ABCD2: variants seen among roughly 807,000 people sequenced by gnomAD.
The protein encoded by ABCD2 is ATP binding cassette subfamily D member 2, also known as ATP-binding cassette sub-family D member 2.
Under a neutral mutation model 70.9 loss-of-function variants are expected in ABCD2, and 36 were observed. The ratio of observed to expected loss-of-function variants is 0.51; its 90% confidence interval spans 0.39 to 0.67. The LOEUF is 0.67. ABCD2 is among the 30% of genes least tolerant of loss of function. The pLI is 0.00. For missense variants in ABCD2, 729 were observed against 890.2 expected (o/e 0.82, Z 2.30); for synonymous variants, 304 against 306.9 (o/e 0.99, Z 0.10).
Position 39,618,991 on chromosome 12 carries a change from A to G in ABCD2, c.625T>C (p.Ser209Pro). 1 of 1,614,184 alleles carries G rather than the reference A, an allele frequency of 6.2e-7. No individual in the cohort carries two copies. Among genetic ancestry groups the G allele is most frequent in the Non-Finnish European group, 8.5e-7 (1 of 1,180,028 alleles). The change falls in exon 1 of 10, where the codon TCT becomes CCT. Residue 209 changes from serine (S) to proline (P), a missense_variant. Transcript: ENST00000308666. ...MDGRLANPDQSLTEDIMMFSQ... is the reference protein window; with the variant it reads ...MDGRLANPDQPLTEDIMMFSQ... Reference sequence around the variant, plus strand: ...AACATCATAATATCCTCCGTAAGAGATTGGTCAGGGTTTGCCAGCCTCCCA... The same window carrying G: ...AACATCATAATATCCTCCGTAAGAGGTTGGTCAGGGTTTGCCAGCCTCCCA...
At chr12:39,567,409 CT>C (rs1465952613) in intron 9 of ABCD2, among the ~76,000 whole-genome samples, 1 of 152,056 alleles carries the variant, frequency 6.6e-6, no homozygotes, top group Non-Finnish European at 1.5e-5. Context: ...CTCTTTTGAT[CT>C]TTGTTGGTTT....
intron 9 of ABCD2, among the ~76,000 whole-genome samples, chr12:39,565,783 A>G (rs1941336227): frequency 6.6e-6 from 1 of 152,138 alleles, no homozygotes; most frequent in Non-Finnish European, 1.5e-5. Context: ...GATAGCTCTA[A>G]TTATTTTGAT....
At chr12:39,568,384 C>A (rs1460290222) in intron 9 of ABCD2, among the ~76,000 whole-genome samples, 3 of 152,126 alleles carry the variant, frequency 2.0e-5, no homozygotes, top group African/African-American at 7.2e-5. Context: ...TTTGATCTTC[C>A]ATCACTGATA....
intron 6 of ABCD2, among the ~76,000 whole-genome samples, chr12:39,591,831 T>C (rs1459849956): frequency 1.3e-5 from 2 of 152,198 alleles, no homozygotes; most frequent in African/African-American, 2.4e-5. Flanking sequence ...CAGATTACCA[T>C]TTAAATTGCT....
chr12:39,582,931 C>G (rs1267550167), intron 7 of ABCD2, among the ~76,000 whole-genome samples: 1 of 151,542 alleles, frequency 6.6e-6, no homozygotes, highest in Admixed American at 6.6e-5. Flanking sequence ...GCAATCACAG[C>G]TCACTCCAAC....
intron 6 of ABCD2, among the ~76,000 whole-genome samples, chr12:39,588,385 G>T (rs1489431286): frequency 6.6e-6 from 1 of 152,080 alleles, no homozygotes; most frequent in Non-Finnish European, 1.5e-5. Context: ...GGATTAACCA[G>T]ATGAGTCCTA....
chr12:39,539,469 T>C, the ABCD2 span: 1 of 153,194 alleles, frequency 6.5e-6, no homozygotes, highest in Non-Finnish European at 1.5e-5. Context: ...TTAGCTATAG[T>C]TTTCTGCTCA....
At chr12:39,590,669 A>G (rs1191007316) in intron 6 of ABCD2, among the ~76,000 whole-genome samples, 1 of 152,010 alleles carries the variant, frequency 6.6e-6, no homozygotes, top group Non-Finnish European at 1.5e-5. Context: ...GGCTTTTTAT[A>G]GTTTTGTTAC....
At chr12:39,558,936 C>T (rs76965926) in intron 9 of ABCD2, among the ~76,000 whole-genome samples, 13,108 of 151,660 alleles carry the variant, frequency 0.086, 1,177 homozygotes, top group African/African-American at 0.23. Context: ...ATTAAAAATG[C>T]AATGGAGACA....
At chr12:39,616,933 C>T in intron 2 of ABCD2, 55 bp downstream of exon 2, 1 of 1,479,558 alleles carries the variant, frequency 6.8e-7, no homozygotes, top group Non-Finnish European at 9.1e-7. Flanking sequence ...GCAATGACAA[C>T]TTCAAAAGAA....
chr12:39,562,130 T>C (rs1941268908), intron 9 of ABCD2, among the ~76,000 whole-genome samples: 2 of 152,062 alleles, frequency 1.3e-5, no homozygotes, highest in Non-Finnish European at 2.9e-5. Context: ...ATTTTAAAAA[T>C]TTTCTTCTGA....
intron 2 of ABCD2, among the ~76,000 whole-genome samples, chr12:39,610,821 G>A (rs989301990): frequency 8.6e-5 from 13 of 152,022 alleles, no homozygotes; most frequent in Non-Finnish European, 1.9e-4. Context: ...TTGTTCTTTG[G>A]CAGGTACTGT....
rs766356712 is a variant in ABCD2 at position 39,603,925 on chromosome 12, C to T, written c.1487G>A (p.Arg496Lys). ...ATATCATCTTACTTTGAAGTTTAGC[C>T]TGGAAGCCACCACTTCTCCTGCTGG... is the stretch of plus-strand genomic sequence containing the variant. ...ITPAGEVVAS[R>K]LNFKVEEGMH... The change falls in exon 5 of 10, where the codon AGG (arginine) becomes AAG (lysine). Residue 496 changes from arginine (R) to lysine (K), a missense_variant. Coordinates refer to ENST00000308666, the MANE Select transcript of ABCD2 (RefSeq NM_005164.4). 73 of 1,611,184 alleles carry T rather than the reference C, an allele frequency of 4.5e-5. No homozygotes were observed. Among genetic ancestry groups the T allele is most frequent in the Non-Finnish European group, 5.7e-5 (67 of 1,178,110 alleles).
At chr12:39,598,698 C>A (rs1057489122) in intron 6 of ABCD2, among the ~76,000 whole-genome samples, 1 of 152,126 alleles carries the variant, frequency 6.6e-6, no homozygotes, top group African/African-American at 2.4e-5. Context: ...CCCCACCCAG[C>A]CAGATTATAT....
intron 6 of ABCD2, among the ~76,000 whole-genome samples, chr12:39,586,921 A>G: frequency 6.6e-6 from 1 of 152,210 alleles, no homozygotes; most frequent in East Asian, 1.9e-4. Context: ...CAAAAATTCA[A>G]CAACTTGGTA....
chr12:39,553,736 ATT>A lies in ABCD2; in HGVS notation c.*174_*175del, dbSNP rs1426645684. 1 of 587,792 alleles carries A rather than the reference ATT, an allele frequency of 1.7e-6. No individual in the cohort carries two copies. The highest frequency in any genetic ancestry group is 3.0e-6 in the Non-Finnish European group (1 of 334,642). The allele number at this position is 587,792 out of a possible 1,614,324, so 36.4% of individuals were successfully genotyped here. A position where few individuals can be genotyped will look rare whatever the true frequency, so the allele number is the denominator to read the frequency against. On this transcript the variant is annotated 3_prime_UTR_variant, in exon 10 of 10. Coordinates refer to ENST00000308666, the MANE Select transcript of ABCD2 (RefSeq NM_005164.4). ...CATAATGACTGACCTTACATAATGC[ATT>A]TGTTTATTTTCTTCTGAAAAGTCAG...
intron 8 of ABCD2, among the ~76,000 whole-genome samples, chr12:39,575,474 TTG>T (rs1221360931): frequency 6.6e-6 from 1 of 152,186 alleles, no homozygotes; most frequent in Non-Finnish European, 1.5e-5. Context: ...CCTTTTTGCT[TTG>T]TGTATCATCA....
At chr12:39,581,914 AC>A (rs2120622388) in intron 7 of ABCD2, among the ~76,000 whole-genome samples, 1 of 151,544 alleles carries the variant, frequency 6.6e-6, no homozygotes, top group South Asian at 2.1e-4. Context: ...AGAGATGTAT[AC>A]TCTTCTTTAG....
At chr12:39,588,837 C>T (rs1003990812) in intron 6 of ABCD2, among the ~76,000 whole-genome samples, 3 of 151,518 alleles carry the variant, frequency 2.0e-5, no homozygotes, top group African/African-American at 7.3e-5. Context: ...GAAACTCTTT[C>T]GAATAAAAGA....
Sources: allele counts gnomAD v4.1 joint callset (sites outside exome capture counted in the v4.1 genomes callset), GRCh38; gene constraint gnomAD v4.1.1; transcripts MANE v1.5; gene names NCBI Gene and HGNC (gene_info 2026-07-23, HGNC 2026-07-21).